CCDC127: variants seen among roughly 807,000 people sequenced by gnomAD.
The protein encoded by CCDC127 is coiled-coil domain containing 127.
A neutral mutation model predicts 4.1 loss-of-function variants in CCDC127; 2 were observed. The ratio of observed to expected loss-of-function variants is 0.49; its 90% CI spans 0.20 to 1.53. The LOEUF (loss-of-function observed/expected upper bound fraction) is 1.53, where lower values mean the gene tolerates loss of function less well. Ranked by LOEUF, CCDC127 falls within the 40% of genes most tolerant of loss-of-function variation. The pLI is 0.23. For missense variants in CCDC127, 271 were observed against 322.9 expected, an observed-to-expected ratio of 0.84 and a Z score of 1.23; for synonymous variants, 98 against 120.4, an observed-to-expected ratio of 0.81 and a Z score of 1.22.
At chr5:207,801 G>A (rs898883733) in intron 2 of CCDC127, among the ~76,000 whole-genome samples, 2 of 152,134 alleles carry the variant, frequency 1.3e-5, no homozygotes, top group African/African-American at 4.8e-5. Flanking sequence ...GTGGGGCTGC[G>A]AGGGGTGGCG....
At chr5:206,908 T>C (rs1338083603) in intron 2 of CCDC127, among the ~76,000 whole-genome samples, 1 of 152,182 alleles carries the variant, frequency 6.6e-6, no homozygotes, top group East Asian at 1.9e-4. Flanking sequence ...AGCAGCAGTC[T>C]GGGTTCCCTC....
intron 2 of CCDC127, among the ~76,000 whole-genome samples, chr5:209,736 A>G (rs1734241807): frequency 6.6e-6 from 1 of 152,286 alleles, no homozygotes; most frequent in Non-Finnish European, 1.5e-5. Flanking sequence ...GGTCACAAAC[A>G]TCATTCCATA....
At chr5:207,373 G>T (rs1734196389) in intron 2 of CCDC127, among the ~76,000 whole-genome samples, 1 of 152,182 alleles carries the variant, frequency 6.6e-6, no homozygotes, top group Non-Finnish European at 1.5e-5. Context: ...GCCTGACCAG[G>T]AAAGAAGCTG....
rs3932939 is a variant in CCDC127 at position 202,254 on chromosome 5, C to T, written c.*3043G>A. The T allele has an allele frequency of 0.093, 14,166 of 152,304 alleles. 2,148 individuals are homozygous for T. The highest frequency in any genetic ancestry group is 0.31 in the African/African-American group (13,071 of 41,518). 9.4% of individuals were successfully genotyped at this position (152,304 alleles called of 1,614,324 possible). On this transcript the variant is annotated 3_prime_UTR_variant, in exon 3 of 3. Coordinates refer to ENST00000296824, the MANE Select transcript of CCDC127 (RefSeq NM_145265.3). ...CAAACTTGCTGATGGAAGGCAGCCACGCCACACAAACACGAACTAATATCA... is the reference window on the plus strand; with the variant it reads ...CAAACTTGCTGATGGAAGGCAGCCATGCCACACAAACACGAACTAATATCA...
At position 205,850 on chromosome 5, in the gene CCDC127, A is replaced by G; in HGVS notation, c.230T>C (p.Met77Thr). The change falls in exon 3 of 3, where the codon ATG becomes ACG. Residue 77 changes from methionine to threonine, a missense_variant. Met to Thr is a moderately conservative substitution (Grantham distance 81). This residue lies in a region of CCDC127 where 265 missense variants were observed against 270.9 expected (regional missense o/e 0.98). Coordinates refer to ENST00000296824, the MANE Select transcript of CCDC127 (RefSeq NM_145265.3). ...QQDLEAKYHA[M>T]ISENRRAVAQ... ...GACAGCACGCCGATTTTCTGAGATC[A>G]TGGCGTGGTACTTGGCTTCCAGATC... 6.2e-7 allele frequency: 1 copy of G among 1,614,158 alleles called. No homozygotes were observed. The highest frequency in any genetic ancestry group is 1.1e-5 in the South Asian group (1 of 91,084).
At chr5:207,550 G>T (rs1030378467) in intron 2 of CCDC127, among the ~76,000 whole-genome samples, 1 of 152,166 alleles carries the variant, frequency 6.6e-6, no homozygotes, top group African/African-American at 2.4e-5. Context: ...AAAGTCACCC[G>T]AAATTAAACG....
At chr5:213,695 A>G (rs1287565394) in intron 2 of CCDC127, among the ~76,000 whole-genome samples, 2 of 152,250 alleles carry the variant, frequency 1.3e-5, no homozygotes, top group African/African-American at 4.8e-5. Context: ...ACAGCAGTGA[A>G]ACACCAAATA....
At position 205,895 on chromosome 5, in the gene CCDC127, C is replaced by G; in HGVS notation, c.185G>C (p.Arg62Thr). Reference protein sequence around the residue: ...VEKEREAYRRRTAAFQQDLEA... With the variant: ...VEKEREAYRRTTAAFQQDLEA... ...CAGATCCTGTTGAAAAGCAGCAGTT[C>G]TCCGACGGTAGGCTTCTCTCTCTTT... is the stretch of plus-strand genomic sequence containing the variant. Residue 62 changes from arginine (R) to threonine (T), a missense_variant, in exon 3 of 3, where the codon AGA becomes ACA. This residue lies in a region of CCDC127 where 265 missense variants were observed against 270.9 expected (regional missense o/e 0.98). Coordinates refer to ENST00000296824, the MANE Select transcript of CCDC127 (RefSeq NM_145265.3). 6.2e-7 allele frequency: 1 copy of G among 1,614,198 alleles called. No individual in the cohort carries two copies. The highest frequency in any genetic ancestry group is 2.2e-5 in the East Asian group (1 of 44,890).
chr5:207,034 T>C (rs1289232847), intron 2 of CCDC127, among the ~76,000 whole-genome samples: 5 of 152,190 alleles, frequency 3.3e-5, no homozygotes, highest in Non-Finnish European at 7.3e-5. Context: ...CTCCTCCTGC[T>C]GCCTCCCCCA....
chr5:205,003 T>C lies in CCDC127; in HGVS notation c.*294A>G, dbSNP rs1348235923. The C allele has an allele frequency of 3.7e-6, 1 of 271,172 alleles. No homozygotes were observed. The highest frequency in any genetic ancestry group is 2.2e-5 in the African/African-American group (1 of 45,770). 16.8% of individuals were successfully genotyped at this position (271,172 alleles called of 1,614,324 possible). A position where few individuals can be genotyped will look rare whatever the true frequency, so the allele number is the denominator to read the frequency against. The stretch of plus-strand genomic sequence containing the variant: ...TATTTGACTTTTTAAAAAACCATTT[T>C]TACCCTGGAGCTAAAATACGAGGTT... On this transcript the variant is annotated 3_prime_UTR_variant, in exon 3 of 3. Coordinates refer to ENST00000296824, the MANE Select transcript of CCDC127 (RefSeq NM_145265.3).
chr5:197,092 C>A lies in CCDC127; in HGVS notation c.*8205G>T, dbSNP rs149951156. ...TTCAAGGGAAGGTACTATGCCTGGA[C>A]GTGCACGTAGGCCAGATTTATGTTT... On this transcript the variant is annotated 3_prime_UTR_variant, in exon 3 of 3. Coordinates refer to ENST00000296824, the MANE Select transcript of CCDC127 (RefSeq NM_145265.3). 1 of 151,876 alleles carries A rather than the reference C, an allele frequency of 6.6e-6. No individual in the cohort carries two copies. The highest frequency in any genetic ancestry group is 2.4e-5 in the African/African-American group (1 of 41,280). The allele number at this position is 151,876 out of a possible 1,614,324, so 9.4% of individuals were successfully genotyped here.
intron 2 of CCDC127, chr5:216,212 T>C (rs60096855): frequency 0.2 from 31,839 of 158,222 alleles, 5,459 homozygotes; most frequent in African/African-American, 0.48. Flanking sequence ...CGTCACGACT[T>C]GCTAATTTTT....
intron 2 of CCDC127, among the ~76,000 whole-genome samples, chr5:210,284 T>C (rs1428739003): frequency 1.3e-5 from 2 of 152,222 alleles, no homozygotes; most frequent in East Asian, 1.9e-4. Flanking sequence ...AAGGAAACGA[T>C]GATAAGCTGC....
chr5:217,701 C>T (rs904348655), intron 1 of CCDC127, among the ~76,000 whole-genome samples: 84 of 151,714 alleles, frequency 5.5e-4, no homozygotes, highest in Non-Finnish European at 1.5e-4. Flanking sequence ...GTGATGAATG[C>T]AGAGATTACA....
rs1467170016 is a variant in CCDC127, at chr5:205,640, C to T, written c.440G>A (p.Arg147Lys). The T allele has an allele frequency of 6.2e-7, 1 of 1,614,224 alleles. No homozygotes were observed. The highest frequency in any genetic ancestry group is 1.7e-5 in the Admixed American group (1 of 60,028). Residue 147 changes from arginine to lysine, a missense_variant, in exon 3 of 3, where the codon AGG becomes AAG. Around this residue, in one of 2 missense-constraint regions of CCDC127, gnomAD observed 265 missense variants for 270.9 expected, o/e 0.98. Transcript: ENST00000296824. ...LRSAYLSCLQ[R>K]EENWQRRARL... ...GGCTCTCCTTTGCCAGTTTTCTTCCCTTTGCAGGCAGCTCAAATACGCACT... is the reference window on the plus strand; with the variant it reads ...GGCTCTCCTTTGCCAGTTTTCTTCCTTTTGCAGGCAGCTCAAATACGCACT...
rs749617804 is a variant in CCDC127, at chr5:205,832, C to G, written c.248G>C (p.Arg83Pro). 24 of 1,614,154 alleles carry G rather than the reference C, an allele frequency of 1.5e-5. No individual in the cohort carries two copies. The South Asian group carries it at 2.6e-4, about 18-fold the overall frequency. Residue 83 changes from arginine to proline, a missense_variant, in exon 3 of 3, where the codon CGT becomes CCT. By Grantham distance (103) the Arg-to-Pro change is moderately radical. Coordinates refer to ENST00000296824, the MANE Select transcript of CCDC127 (RefSeq NM_145265.3). ...TTCCAAGGACAACTGAGCGACAGCA[C>G]GCCGATTTTCTGAGATCATGGCGTG... ...KYHAMISENR[R>P]AVAQLSLELE...
rs1316975257 is a variant in CCDC127, at chr5:205,516, C to G, written c.564G>C (p.Lys188Asn). The change falls in exon 3 of 3, where the codon AAG becomes AAC. Residue 188 changes from lysine to asparagine, a missense_variant. Lys to Asn is a moderately conservative substitution (Grantham distance 94, BLOSUM62 0). Transcript: ENST00000296824. ...LPRSKRLEIE[K>N]SLLVRASVDP... is the part of the protein sequence containing the mutation. ...CGACGGACGCTCGCACCAGTAAGCT[C>G]TTCTCTATCTCCAGCCGCTTGCTGC... 6.2e-7 allele frequency: 1 copy of G among 1,613,964 alleles called. No individual in the cohort carries two copies. The highest frequency in any genetic ancestry group is 8.5e-7 in the Non-Finnish European group (1 of 1,179,834).
At chr5:210,314 T>G (rs1449093707) in intron 2 of CCDC127, among the ~76,000 whole-genome samples, 1 of 152,098 alleles carries the variant, frequency 6.6e-6, no homozygotes, top group African/African-American at 2.4e-5. Context: ...AAATTACAAC[T>G]TTTACACTGC....
In CCDC127 at chr5:198,509, C is replaced by T. The variant is rs1286376188; in HGVS notation, c.*6788G>A. 7 of 152,396 alleles carry T rather than the reference C, an allele frequency of 4.6e-5. No individual in the cohort carries two copies. Among genetic ancestry groups the T allele is most frequent in the East Asian group, 3.9e-4 (2 of 5,184 alleles). 9.4% of individuals were successfully genotyped at this position (152,396 alleles called of 1,614,324 possible). On this transcript the variant is annotated 3_prime_UTR_variant, in exon 3 of 3. Transcript: ENST00000296824. ...TCCTGAGGCCTGGGATTGGGCAGGG[C>T]ACACAGGAGCCCACTGGTGTCAGTG...
Sources: gnomAD v4.1 joint callset for allele counts (sites outside exome capture counted in the v4.1 genomes callset) on GRCh38, gnomAD v4.1.1 for gene constraint, gnomAD v4.1.1 regional missense constraint, MANE v1.5 for transcripts, NCBI Gene and HGNC (gene_info 2026-07-23, HGNC 2026-07-21) for gene names.